PPP2R5C: variants seen among roughly 807,000 people sequenced by gnomAD.
PPP2R5C encodes the protein serine/threonine-protein phosphatase 2A 56 kDa regulatory subunit gamma isoform.
Under a neutral mutation model 68.9 loss-of-function variants are expected in PPP2R5C, and 7 were observed. That is an observed-to-expected ratio of 0.10 (90% confidence interval 0.06 to 0.19). PPP2R5C has a LOEUF of 0.19. PPP2R5C is among the 10% of genes least tolerant of loss of function. PPP2R5C has a pLI of 1.00. For synonymous variants in PPP2R5C, 210 were observed against 222.2 expected (o/e 0.95, Z 0.49); for missense variants, 348 against 641.3 (o/e 0.54, Z 4.94).
In PPP2R5C at chr14:101,776,708, C is replaced by T. The variant is rs189922857; in HGVS notation, c.94-9310C>T. On this transcript the variant is annotated intron_variant, in intron 2 of 14. Coordinates refer to the PPP2R5C transcript ENST00000328724. The stretch of plus-strand genomic sequence containing the variant: ...TTCCCACCAGCAGTCACTCCTCACT[C>T]CCCTTCCCCCAGCCTCTAGCAGCTA... 7.1e-3 allele frequency among the ~76,000 whole-genome samples: 1,076 copies of T among 152,244 alleles called. 18 individuals are homozygous for T. Among genetic ancestry groups the T allele is most frequent in the African/African-American group, 0.025 (1,029 of 41,542 alleles).
At chr14:101,798,130 C>T (rs1456651621) in intron 3 of PPP2R5C, among the ~76,000 whole-genome samples, 1 of 151,914 alleles carries the variant, frequency 6.6e-6, no homozygotes, top group Admixed American at 6.6e-5. Context: ...CATACATCAT[C>T]CGTGCTCATA....
chr14:101,859,870 T>A (rs2042652301), intron 2 of PPP2R5C, among the ~76,000 whole-genome samples: 1 of 152,104 alleles, frequency 6.6e-6, no homozygotes, highest in Non-Finnish European at 1.5e-5. Flanking sequence ...GGGATGGGGG[T>A]GTGTATATTT....
At chr14:101,771,569 A>T (rs915208619) in intron 2 of PPP2R5C, among the ~76,000 whole-genome samples, 2 of 151,898 alleles carry the variant, frequency 1.3e-5, no homozygotes, top group African/African-American at 2.4e-5. Flanking sequence ...CTCTACTAAA[A>T]CTACAAAAAT....
chr14:101,764,030 G>GTGTGTGCTC (rs1462659583), intron 2 of PPP2R5C, among the ~76,000 whole-genome samples: 1 of 146,148 alleles, frequency 6.8e-6, no homozygotes. Context: ...TGTGTGTGTG[G>GTGTGTGCTC]GCGCGCGCAC....
chr14:101,919,065 C>G (rs1305358973), intron 13 of PPP2R5C, among the ~76,000 whole-genome samples: 1 of 152,154 alleles, frequency 6.6e-6, no homozygotes, highest in African/African-American at 2.4e-5. Context: ...CCCCCCATTT[C>G]TTTTTTACTT....
chr14:101,867,332 T>C (rs905459145), intron 2 of PPP2R5C, among the ~76,000 whole-genome samples: 3 of 151,644 alleles, frequency 2.0e-5, no homozygotes, highest in Non-Finnish European at 4.4e-5. Flanking sequence ...TTGTTTGAGC[T>C]CAGGAGCTTA....
chr14:101,847,175 T>A (rs549101750), intron 1 of PPP2R5C, among the ~76,000 whole-genome samples: 1 of 152,348 alleles, frequency 6.6e-6, no homozygotes, highest in East Asian at 1.9e-4. Flanking sequence ...CAGTTTTAGA[T>A]GCTGAGGATA....
At chr14:101,859,379 G>C (rs1460856048) in intron 2 of PPP2R5C, among the ~76,000 whole-genome samples, 1 of 152,252 alleles carries the variant, frequency 6.6e-6, no homozygotes, top group Admixed American at 6.5e-5. Flanking sequence ...AGTGGAAACT[G>C]GGTGATGAAT....
At chr14:101,844,703 C>T (rs1054697128) in intron 1 of PPP2R5C, among the ~76,000 whole-genome samples, 8 of 152,108 alleles carry the variant, frequency 5.3e-5, no homozygotes, top group African/African-American at 1.9e-4. Context: ...TTTTTCACAC[C>T]TCTACACTGC....
At chr14:101,880,786 C>A (rs1566934859) in intron 2 of PPP2R5C, among the ~76,000 whole-genome samples, 1 of 152,028 alleles carries the variant, frequency 6.6e-6, no homozygotes, top group East Asian at 1.9e-4. Flanking sequence ...CAGAGAGATG[C>A]CCTGTCTTTA....
At chr14:101,765,476 T>C in intron 2 of PPP2R5C, 2 of 550,726 alleles carry the variant, frequency 3.6e-6, no homozygotes, top group South Asian at 4.7e-5. Context: ...TGCACACTTT[T>C]TCCCTCTCCT....
rs111530226 is a variant in PPP2R5C at position 101,925,390 on chromosome 14, C to T, written c.*118C>T. 26 of 1,444,436 alleles carry T rather than the reference C, an allele frequency of 1.8e-5. 2 individuals are homozygous for T. Among genetic ancestry groups the T allele is most frequent in the Middle Eastern group, 2.5e-4 (1 of 3,988 alleles). 89.5% of individuals were successfully genotyped at this position (1,444,436 alleles called of 1,614,324 possible). The stretch of plus-strand genomic sequence containing the variant: ...CTCAAAGCTTTCTTGGACCCCGTTC[C>T]GTAGGCAATAACGTGCGTCCGCCTC... On this transcript the variant is annotated 3_prime_UTR_variant, in exon 14 of 14. Transcript: ENST00000334743.
At chr14:101,774,417 G>A (rs2037311479) in intron 2 of PPP2R5C, among the ~76,000 whole-genome samples, 2 of 152,172 alleles carry the variant, frequency 1.3e-5, no homozygotes, top group African/African-American at 2.4e-5. Context: ...GGTGTGTGGG[G>A]ATAAGGTGGC....
intron 1 of PPP2R5C, among the ~76,000 whole-genome samples, chr14:101,821,452 G>GGTGTGT (rs71116851): frequency 0.04 from 4,818 of 120,990 alleles, 118 homozygotes; most frequent in South Asian, 0.1. Context: ...TGGGTGGGTG[G>GGTGTGT]GTGTGTGTGT....
chr14:101,900,035 C>T (rs962156674), intron 8 of PPP2R5C, among the ~76,000 whole-genome samples: 1 of 151,922 alleles, frequency 6.6e-6, no homozygotes, highest in African/African-American at 2.4e-5. Flanking sequence ...CACAGGTGCC[C>T]ATCACCACAC....
Position 101,891,866 on chromosome 14 carries a change from A to T in PPP2R5C, c.690-1134A>T, listed in dbSNP as rs2044951601. 6.6e-6 allele frequency among the ~76,000 whole-genome samples: 1 copy of T among 152,150 alleles called. No homozygotes were observed. The highest frequency in any genetic ancestry group is 2.1e-4 in the South Asian group (1 of 4,828). ...CCTAATTACAAAACCAAGACAATAAACTAGTTGTTTGAGACAAAAACTTTG... is the reference window on the plus strand; with the variant it reads ...CCTAATTACAAAACCAAGACAATAATCTAGTTGTTTGAGACAAAAACTTTG... On this transcript the variant is annotated intron_variant, in intron 6 of 13. Transcript: ENST00000334743. This position sits in a 1 kb window ranked among gnomAD's most constrained non-coding sequence, Gnocchi z 4.9.
At chr14:101,925,277 C>T in exon 14 of PPP2R5C, 3 of 1,611,914 alleles carry the variant, frequency 1.9e-6, no homozygotes, top group Non-Finnish European at 2.5e-6. Flanking sequence ...CGCTAGCCTC[C>T]GGGGCGCCGC....
In PPP2R5C at chr14:101,781,474, C is replaced by T. The variant is rs988623709; in HGVS notation, c.94-4544C>T. ...GCTGCAGACCCGCGTGGGCTCCCGCCGGGCCCTCCTGCCGCCCCCCAGCCT... is the reference window on the plus strand; with the variant it reads ...GCTGCAGACCCGCGTGGGCTCCCGCTGGGCCCTCCTGCCGCCCCCCAGCCT... On this transcript the variant is annotated intron_variant, in intron 2 of 14. Coordinates refer to the PPP2R5C transcript ENST00000328724. This position sits in a 1 kb window ranked among gnomAD's most constrained non-coding sequence, Gnocchi z 6.4. Among the ~76,000 whole-genome samples the T allele has an allele frequency of 4.6e-5, 7 of 151,948 alleles. No individual in the cohort carries two copies. Among genetic ancestry groups the T allele is most frequent in the Admixed American group, 3.9e-4 (6 of 15,282 alleles).
intron 1 of PPP2R5C, among the ~76,000 whole-genome samples, chr14:101,841,812 A>G (rs563308340): frequency 3.3e-5 from 5 of 152,342 alleles, no homozygotes; most frequent in African/African-American, 1.2e-4. Flanking sequence ...CTCCAGGGCC[A>G]GGTGGACAGC....
Sources: gnomAD v4.1 joint callset for allele counts (sites outside exome capture counted in the v4.1 genomes callset) on GRCh38, gnomAD v4.1.1 for gene constraint, Gnocchi (gnomAD v3.1) non-coding constraint, MANE v1.5 for transcripts, NCBI Gene and HGNC (gene_info 2026-07-23, HGNC 2026-07-21) for gene names.